The following NTM variants were observed in gnomAD, a reference collection of about 807,000 sequenced individuals.
NTM encodes IgLON family member 2.
In NTM, 13 loss-of-function variants were observed where a neutral mutation model predicts 42.1. That is an observed-to-expected ratio of 0.31 (90% CI 0.20 to 0.49). The LOEUF is 0.49. NTM is among the 20% of genes least tolerant of loss of function. The pLI, the probability that NTM is intolerant of heterozygous loss-of-function variation, is 0.99. For synonymous variants in NTM, 187 were observed against 179.2 expected (o/e 1.04, Z -0.35); for missense variants, 373 against 452.8 (o/e 0.82, Z 1.60).
intron 1 of NTM, among the ~76,000 whole-genome samples, chr11:131,813,398 C>T (rs1260772108): frequency 1.3e-5 from 2 of 152,154 alleles, no homozygotes; most frequent in Non-Finnish European, 2.9e-5. Context: ...GATTCCTTCT[C>T]ATAAGCTAAT....
At chr11:131,921,686 G>A (rs908172930) in intron 2 of NTM, among the ~76,000 whole-genome samples, 1 of 152,038 alleles carries the variant, frequency 6.6e-6, no homozygotes, top group Admixed American at 6.6e-5. Flanking sequence ...GCTGTGACAC[G>A]AGCCACTGCA....
chr11:132,133,011 A>G (rs182804260), intron 2 of NTM, among the ~76,000 whole-genome samples: 1 of 152,334 alleles, frequency 6.6e-6, no homozygotes, highest in Admixed American at 6.5e-5. Context: ...ACTATTACTA[A>G]TTTTGGGTCA....
chr11:131,802,450 G>A, intron 1 of NTM, among the ~76,000 whole-genome samples: 1 of 152,058 alleles, frequency 6.6e-6, no homozygotes, highest in East Asian at 1.9e-4. Context: ...CACCACGCTT[G>A]GGCTGCCTTC....
intron 1 of NTM, among the ~76,000 whole-genome samples, chr11:131,654,628 C>T (rs2066943163): frequency 6.6e-6 from 1 of 152,128 alleles, no homozygotes; most frequent in Admixed American, 6.5e-5. Context: ...GGAGCGGATT[C>T]TTCGTGAGTG....
intron 1 of NTM, among the ~76,000 whole-genome samples, chr11:131,561,945 A>T (rs993730432): frequency 3.3e-5 from 5 of 152,266 alleles, no homozygotes; most frequent in Admixed American, 2.0e-4. Context: ...CTATTTAAAG[A>T]GAGAAGAGGC....
intron 2 of NTM, among the ~76,000 whole-genome samples, chr11:131,932,709 A>G (rs535350785): frequency 5.3e-5 from 8 of 152,322 alleles, no homozygotes; most frequent in African/African-American, 1.4e-4. Context: ...GTTGGTCATC[A>G]GTATGTGCTG....
intron 2 of NTM, among the ~76,000 whole-genome samples, chr11:132,035,358 A>G (rs1427171859): frequency 1.3e-5 from 2 of 152,070 alleles, no homozygotes; most frequent in South Asian, 4.1e-4. Flanking sequence ...CTTGAGGGAG[A>G]GAATTGAGTG....
At chr11:132,300,837 C>T (rs1027889170) in intron 4 of NTM, among the ~76,000 whole-genome samples, 1 of 152,302 alleles carries the variant, frequency 6.6e-6, no homozygotes, top group East Asian at 1.9e-4. Flanking sequence ...TACAAGTCTT[C>T]TTGTGCCACC....
At chr11:131,679,301 G>A (rs557398555) in intron 1 of NTM, among the ~76,000 whole-genome samples, 34 of 152,298 alleles carry the variant, frequency 2.2e-4, no homozygotes, top group African/African-American at 7.7e-4. Flanking sequence ...ATGAAAAGAA[G>A]AAAGTGCAAT....
chr11:131,401,844 A>ATGTATATATATATATATATATATATATG (rs1945263430), intron 1 of NTM, among the ~76,000 whole-genome samples: 3 of 101,084 alleles, frequency 3.0e-5, no homozygotes, highest in African/African-American at 1.2e-4. Context: ...ATATATATAT[A>ATGTATATATATATATATATATATATATG]TATATATATA....
At chr11:131,458,433 G>T (rs981640997) in intron 1 of NTM, among the ~76,000 whole-genome samples, 2 of 152,190 alleles carry the variant, frequency 1.3e-5, no homozygotes, top group Non-Finnish European at 2.9e-5. Flanking sequence ...AACACCTGCG[G>T]AGCTCCTTCC....
At chr11:131,409,605 G>A (rs1031338097) in intron 1 of NTM, among the ~76,000 whole-genome samples, 4 of 152,224 alleles carry the variant, frequency 2.6e-5, no homozygotes, top group African/African-American at 7.2e-5. Context: ...TGAGAAGGTC[G>A]AGCAGGCCTC....
At chr11:131,717,932 G>C (rs929753387) in intron 1 of NTM, among the ~76,000 whole-genome samples, 1 of 152,124 alleles carries the variant, frequency 6.6e-6, no homozygotes, top group Non-Finnish European at 1.5e-5. Flanking sequence ...AGATGTTACA[G>C]TTTGTCAAAT....
At chr11:132,020,800 C>G (rs996029253) in intron 2 of NTM, among the ~76,000 whole-genome samples, 16 of 151,822 alleles carry the variant, frequency 1.1e-4, no homozygotes, top group African/African-American at 3.9e-4. Context: ...GGATGGCTAT[C>G]AATTAATTTT....
At chr11:132,112,746 C>CA (rs1343370757) in intron 2 of NTM, among the ~76,000 whole-genome samples, 2 of 151,916 alleles carry the variant, frequency 1.3e-5, no homozygotes, top group Non-Finnish European at 2.9e-5. Flanking sequence ...CACACACACA[C>CA]ACACACACAC....
intron 1 of NTM, among the ~76,000 whole-genome samples, chr11:131,519,647 C>G (rs529102425): frequency 6.8e-6 from 1 of 146,402 alleles, no homozygotes; most frequent in Non-Finnish European, 1.5e-5. Context: ...TATGACCAGC[C>G]CAACTCTTCT....
At chr11:131,709,013 G>A (rs1777601033) in intron 1 of NTM, among the ~76,000 whole-genome samples, 1 of 152,120 alleles carries the variant, frequency 6.6e-6, no homozygotes, top group African/African-American at 2.4e-5. Flanking sequence ...CCACAATGGA[G>A]CAAGTTCTGT....
chr11:131,807,278 G>C (rs541051790), intron 1 of NTM, among the ~76,000 whole-genome samples: 1 of 152,222 alleles, frequency 6.6e-6, no homozygotes, highest in East Asian at 1.9e-4. Context: ...AGCTTTTAAA[G>C]GTTATTTGAA....
At chr11:131,431,774 A>C (rs1378865749) in intron 1 of NTM, among the ~76,000 whole-genome samples, 1 of 152,176 alleles carries the variant, frequency 6.6e-6, no homozygotes, top group Non-Finnish European at 1.5e-5. Context: ...GCCTGGAGCC[A>C]AGCGTGCATC....
Sources: gnomAD v4.1 joint callset for allele counts (sites outside exome capture counted in the v4.1 genomes callset) on GRCh38, gnomAD v4.1.1 for gene constraint, MANE v1.5 for transcripts, NCBI Gene and HGNC (gene_info 2026-07-23, HGNC 2026-07-21) for gene names.